GRIK4: variants seen among roughly 807,000 people sequenced by gnomAD.
GRIK4 encodes the protein glutamate ionotropic receptor kainate type subunit 4, also known as glutamate receptor ionotropic, kainate 4.
GRIK4 carries 40 observed loss-of-function variants against 104.9 expected under a neutral mutation model. That is an observed-to-expected ratio of 0.38 (90% CI 0.30 to 0.50). The LOEUF (loss-of-function observed/expected upper bound fraction) is 0.50. Among genes scored for constraint, GRIK4 ranks in the 20% least tolerant of loss-of-function variants. The pLI, the probability that GRIK4 is intolerant of heterozygous loss-of-function variation, is 0.93. For synonymous variants in GRIK4, 485 were observed against 524.9 expected (o/e 0.92, Z 1.04); for missense variants, 1,047 against 1,308.1 (o/e 0.80, Z 3.08).
At chr11:120,535,198 C>G (rs1947960668) in intron 1 of GRIK4, among the ~76,000 whole-genome samples, 1 of 151,922 alleles carries the variant, frequency 6.6e-6, no homozygotes, top group South Asian at 2.1e-4. Context: ...CTCCAGCACA[C>G]CCGGGAGAGA....
chr11:120,575,803 G>T (rs913561072), intron 1 of GRIK4: 13 of 152,256 alleles, frequency 8.5e-5, no homozygotes, highest in African/African-American at 3.1e-4. Context: ...AGGAGCGCTT[G>T]AGGACGATCC....
At position 120,764,177 on chromosome 11, in the gene GRIK4, G is replaced by T. The variant is rs578006556; in HGVS notation, c.83-38516G>T. Among the ~76,000 whole-genome samples the T allele has an allele frequency of 2.0e-5, 3 of 152,268 alleles. No individual in the cohort carries two copies. The South Asian group carries it at 6.2e-4, about 32-fold the overall frequency. On this transcript the variant is annotated intron_variant, in intron 3 of 20. Coordinates refer to ENST00000527524, the MANE Select transcript of GRIK4 (RefSeq NM_014619.5). ...GATAGTTAGCTCTTCTTGTTGCATT[G>T]ATCCCTTTACCATTATGTAATGTCC...
intron 16 of GRIK4, among the ~76,000 whole-genome samples, chr11:120,959,956 G>T (rs557907055): frequency 6.6e-6 from 1 of 152,288 alleles, no homozygotes; most frequent in Admixed American, 6.5e-5. Flanking sequence ...TTGAGCCCGG[G>T]AGTTCTAGGT....
intron 1 of GRIK4, among the ~76,000 whole-genome samples, chr11:120,576,231 GAATTAC>G (rs1948482091): frequency 6.6e-6 from 1 of 152,278 alleles, no homozygotes; most frequent in African/African-American, 2.4e-5. Flanking sequence ...GGTGAGTTTG[GAATTAC>G]AATTACAACT....
chr11:120,528,805 C>T (rs1040048599), intron 1 of GRIK4, among the ~76,000 whole-genome samples: 6 of 152,112 alleles, frequency 3.9e-5, no homozygotes, highest in African/African-American at 1.4e-4. Flanking sequence ...GAGAACAACA[C>T]GGGAAAGACC....
intron 3 of GRIK4, among the ~76,000 whole-genome samples, chr11:120,669,457 G>T (rs1257238858): frequency 6.6e-6 from 1 of 152,086 alleles, no homozygotes; most frequent in Non-Finnish European, 1.5e-5. Flanking sequence ...GCAAAGCTCT[G>T]CAAAAGAATT....
chr11:120,719,547 A>G (rs1382609573), intron 3 of GRIK4, among the ~76,000 whole-genome samples: 2 of 152,154 alleles, frequency 1.3e-5, no homozygotes, highest in Non-Finnish European at 2.9e-5. Context: ...TTTGAAGATG[A>G]TCTGAGATAC....
At chr11:120,871,784 AAGC>A (rs1565406033) in intron 9 of GRIK4, 1 of 456,372 alleles carries the variant, frequency 2.2e-6, no homozygotes, top group Non-Finnish European at 4.4e-6. Flanking sequence ...CAAGGAGGAG[AAGC>A]AGCAGCAAGA....
intron 13 of GRIK4, among the ~76,000 whole-genome samples, chr11:120,909,582 G>A (rs1251905418): frequency 1.3e-5 from 2 of 152,186 alleles, no homozygotes; most frequent in Admixed American, 6.5e-5. Context: ...AGGTGCCAGG[G>A]TATGTATGGA....
Position 120,940,469 on chromosome 11 carries a change from C to T in GRIK4, c.1590+9C>T, listed in dbSNP as rs752837782. ...TTTACCGCGTTCATATGGTAAGAGA[C>T]TTATTTTATAAGCATTTATGTCATT... is the stretch of plus-strand genomic sequence containing the variant. On this transcript the variant is annotated intron_variant, in intron 14 of 20. Transcript: ENST00000527524. This position sits in a 1 kb window ranked among gnomAD's most constrained non-coding sequence, Gnocchi z 4.3. 3 of 1,456,068 alleles carry T rather than the reference C, an allele frequency of 2.1e-6. No individual in the cohort carries two copies. The highest frequency in any genetic ancestry group is 1.2e-5 in the South Asian group (1 of 86,870). 90.2% of individuals were successfully genotyped at this position (1,456,068 alleles called of 1,614,324 possible). A position where few individuals can be genotyped will look rare whatever the true frequency, so the allele number is the denominator to read the frequency against.
chr11:120,615,567 C>G (rs796701040), intron 1 of GRIK4, among the ~76,000 whole-genome samples: 20 of 152,280 alleles, frequency 1.3e-4, no homozygotes, highest in African/African-American at 4.6e-4. Context: ...CTTCTCTATT[C>G]CAGGAAGCCC....
At chr11:120,616,795 G>A (rs1949122157) in intron 1 of GRIK4, among the ~76,000 whole-genome samples, 1 of 152,256 alleles carries the variant, frequency 6.6e-6, no homozygotes, top group South Asian at 2.1e-4. Flanking sequence ...CTCAGGCAAT[G>A]AACCAGTCAG....
chr11:120,593,954 A>T (rs1948768374), intron 1 of GRIK4, among the ~76,000 whole-genome samples: 1 of 152,080 alleles, frequency 6.6e-6, no homozygotes, highest in South Asian at 2.1e-4. Flanking sequence ...CCTCAAATTT[A>T]TACCCTTCTC....
intron 1 of GRIK4, among the ~76,000 whole-genome samples, chr11:120,623,096 A>G (rs56763747): frequency 0.29 from 43,436 of 152,006 alleles, 6,707 homozygotes; most frequent in Non-Finnish European, 0.31. Context: ...AAATTGTCCC[A>G]TCTTTGGCCT....
At chr11:120,657,319 C>T (rs1473971074) in intron 2 of GRIK4, among the ~76,000 whole-genome samples, 1 of 152,206 alleles carries the variant, frequency 6.6e-6, no homozygotes, top group East Asian at 1.9e-4. Context: ...TGTCTAGCTT[C>T]TCCTAAGACT....
chr11:120,578,868 C>G (rs954497799), intron 1 of GRIK4, among the ~76,000 whole-genome samples: 1 of 152,184 alleles, frequency 6.6e-6, no homozygotes. Flanking sequence ...GGGAGGGTTG[C>G]AACTGTCTCC....
intron 1 of GRIK4, among the ~76,000 whole-genome samples, chr11:120,649,496 T>G (rs1308102005): frequency 2.6e-5 from 4 of 152,192 alleles, no homozygotes; most frequent in Non-Finnish European, 4.4e-5. Context: ...ACTTCCTCTT[T>G]GTCACGAACA....
chr11:120,728,426 A>C (rs1369368215), intron 3 of GRIK4, among the ~76,000 whole-genome samples: 1 of 152,214 alleles, frequency 6.6e-6, no homozygotes, highest in Non-Finnish European at 1.5e-5. Context: ...CTGCTAACGA[A>C]TGAATTTCAG....
intron 13 of GRIK4, among the ~76,000 whole-genome samples, chr11:120,933,882 G>T (rs1173750324): frequency 6.6e-6 from 1 of 152,122 alleles, no homozygotes; most frequent in Non-Finnish European, 1.5e-5. Flanking sequence ...AGGGCAGCCA[G>T]GCCAGGTGGA....
Sources: allele counts gnomAD v4.1 joint callset (sites outside exome capture counted in the v4.1 genomes callset), GRCh38; gene constraint gnomAD v4.1.1; non-coding constraint Gnocchi (gnomAD v3.1); transcripts MANE v1.5; gene names NCBI Gene and HGNC (gene_info 2026-07-23, HGNC 2026-07-21).